DNAH5: variants seen among roughly 807,000 people sequenced by gnomAD.
DNAH5 encodes axonemal beta dynein heavy chain 5.
In DNAH5, 372 loss-of-function variants were observed where a neutral mutation model predicts 518.2. The ratio of observed to expected loss-of-function variants is 0.72; its 90% CI spans 0.66 to 0.78. The LOEUF (loss-of-function observed/expected upper bound fraction) is 0.78, where lower values mean the gene tolerates loss of function less well. Ranked by LOEUF, DNAH5 falls within the 30% of genes least tolerant of loss-of-function variation. The pLI, the probability that DNAH5 is intolerant of heterozygous loss-of-function variation, is 0.00. For synonymous variants in DNAH5, 2,039 were observed against 2,025.9 expected, an observed-to-expected ratio of 1.01 and a Z score of -0.17; for missense variants, 5,523 against 5,687.0, an observed-to-expected ratio of 0.97 and a Z score of 0.93.
intron 1 of DNAH5, among the ~76,000 whole-genome samples, chr5:13,939,291 C>G (rs934820595): frequency 6.6e-6 from 1 of 152,194 alleles, no homozygotes; most frequent in South Asian, 2.1e-4. Context: ...CGTGAGTCCA[C>G]GATTGCAGAA....
At chr5:13,795,942 C>A (rs1235936984) in intron 47 of DNAH5, among the ~76,000 whole-genome samples, 1 of 152,168 alleles carries the variant, frequency 6.6e-6, no homozygotes, top group Non-Finnish European at 1.5e-5. Context: ...GAACCAACAA[C>A]AAAAACCACA....
chr5:13,961,463 G>C (rs1437618752), intron 1 of DNAH5, among the ~76,000 whole-genome samples: 1 of 152,082 alleles, frequency 6.6e-6, no homozygotes, highest in Non-Finnish European at 1.5e-5. Flanking sequence ...GGCCAACATG[G>C]TGAAACCCCA....
intron 51 of DNAH5, 133 bp downstream of exon 51, chr5:13,788,583 A>C: frequency 2.7e-6 from 2 of 746,884 alleles, no homozygotes; most frequent in South Asian, 3.1e-5. Flanking sequence ...TTGAGCATCT[A>C]CTGTGTCTCA....
At chr5:13,875,960 G>A (rs1770827811) in intron 22 of DNAH5, among the ~76,000 whole-genome samples, 1 of 152,142 alleles carries the variant, frequency 6.6e-6, no homozygotes, top group Admixed American at 6.5e-5. Context: ...TAGAAAAAAT[G>A]CACTTACTGA....
intron 39 of DNAH5, 84 bp from the exon 40 acceptor site, chr5:13,823,454 G>A: frequency 1.1e-6 from 1 of 877,646 alleles, no homozygotes; most frequent in Non-Finnish European, 1.9e-6. Flanking sequence ...GCCCAACACA[G>A]TCCGGGTTAT....
chr5:13,972,793 T>A (rs1020488647), intron 1 of DNAH5, among the ~76,000 whole-genome samples: 1 of 152,202 alleles, frequency 6.6e-6, no homozygotes, highest in South Asian at 2.1e-4. Flanking sequence ...AAGTTCATGA[T>A]GTGAGTCTCC....
intron 78 of DNAH5, among the ~76,000 whole-genome samples, chr5:13,694,557 A>G (rs2126354325): frequency 6.6e-6 from 1 of 152,320 alleles, no homozygotes; most frequent in South Asian, 2.1e-4. Flanking sequence ...CAAATTGGCA[A>G]GCCATACCCT....
At position 13,914,562 on chromosome 5, in the gene DNAH5, A is replaced by G. The variant is rs2151982189; in HGVS notation, c.1278T>C (p.Asp426=). ...CAGATAGTATTTTTTCTTCAACAAC[A>G]TCCTGTGGCTGGTTCCAGATGGAAG... ...GTASIWNQPQ[D]VVEEKILSAI... Residue 426 remains aspartate, a synonymous_variant, in exon 10 of 79, where the codon GAT becomes GAC. Transcript: ENST00000265104. 7 of 1,613,472 alleles carry G rather than the reference A, an allele frequency of 4.3e-6. No individual in the cohort carries two copies. The highest frequency in any genetic ancestry group is 5.9e-6 in the Non-Finnish European group (7 of 1,179,492).
At chr5:13,946,340 C>A (rs935570236), upstream of DNAH5, among the ~76,000 whole-genome samples, 4 of 152,096 alleles carry the variant, frequency 2.6e-5, no homozygotes, top group African/African-American at 9.7e-5. Flanking sequence ...CACAGCAAAC[C>A]GGGAAGCCTT....
intron 40 of DNAH5, among the ~76,000 whole-genome samples, chr5:13,820,716 T>C (rs1762110441): frequency 6.6e-6 from 1 of 151,272 alleles, no homozygotes; most frequent in Non-Finnish European, 1.5e-5. Flanking sequence ...TCCCAGCTAC[T>C]TGGGAGGCTG....
chr5:13,850,598 T>C, intron 31 of DNAH5, 54 bp downstream of exon 31: 3 of 1,521,122 alleles, frequency 2.0e-6, no homozygotes, highest in Non-Finnish European at 2.7e-6. Flanking sequence ...CTAGTCTCCC[T>C]GTATCCTTTT....
intron 19 of DNAH5, 36 bp downstream of exon 19, chr5:13,884,953 T>C: frequency 6.2e-7 from 1 of 1,613,642 alleles, no homozygotes; most frequent in Non-Finnish European, 8.5e-7. Context: ...CAACTATGCC[T>C]GATCATCCAC....
chr5:13,901,914 A>G, intron 13 of DNAH5, 139 bp downstream of exon 13: 1 of 666,978 alleles, frequency 1.5e-6, no homozygotes, highest in Non-Finnish European at 2.5e-6. Context: ...AAAAACTTAA[A>G]AACTATGACC....
At chr5:13,804,291 A>C (rs1037343840) in intron 47 of DNAH5, among the ~76,000 whole-genome samples, 1 of 152,246 alleles carries the variant, frequency 6.6e-6, no homozygotes. Flanking sequence ...AGTCCCCTCT[A>C]CTGATGAAAG....
At chr5:14,004,139 A>G (rs895875531) in intron 1 of DNAH5, among the ~76,000 whole-genome samples, 1 of 152,212 alleles carries the variant, frequency 6.6e-6, no homozygotes, top group African/African-American at 2.4e-5. Flanking sequence ...TGCTTCGAAT[A>G]TTGCTGCTTC....
chr5:13,796,419 G>A (rs1757830702), intron 47 of DNAH5, among the ~76,000 whole-genome samples: 1 of 152,136 alleles, frequency 6.6e-6, no homozygotes, highest in Non-Finnish European at 1.5e-5. Flanking sequence ...GACAAACAGA[G>A]AGCCAAATCA....
chr5:13,738,574 T>C (rs1003604509), intron 65 of DNAH5, among the ~76,000 whole-genome samples: 1 of 152,168 alleles, frequency 6.6e-6, no homozygotes, highest in Non-Finnish European at 1.5e-5. Flanking sequence ...CTTGGAAGAC[T>C]ATTATCCTTA....
chr5:13,965,007 G>C (rs897373200), intron 1 of DNAH5, among the ~76,000 whole-genome samples: 3 of 152,102 alleles, frequency 2.0e-5, no homozygotes, highest in Non-Finnish European at 4.4e-5. Context: ...GTCCACTGGG[G>C]AAGCTCCTGT....
At chr5:13,900,516 G>A (rs1774463847) in intron 14 of DNAH5, 104 bp from the exon 15 acceptor site, 1 of 979,242 alleles carries the variant, frequency 1.0e-6, no homozygotes, top group Admixed American at 2.0e-5. Context: ...TTCTTCCATG[G>A]ATTTGAGCTT....
Sources: allele counts gnomAD v4.1 joint callset (sites outside exome capture counted in the v4.1 genomes callset), GRCh38; gene constraint gnomAD v4.1.1; transcripts MANE v1.5; gene names NCBI Gene and HGNC (gene_info 2026-07-23, HGNC 2026-07-21).